The following GRAMD1C variants were observed in gnomAD, a reference collection of about 807,000 sequenced individuals.
GRAMD1C encodes GRAM domain containing 1C.
Under a neutral mutation model 97.8 loss-of-function variants are expected in GRAMD1C, and 89 were observed. The ratio of observed to expected loss-of-function variants is 0.91; its 90% CI spans 0.77 to 1.09. The LOEUF is 1.09. GRAMD1C is among the 50% of genes least tolerant of loss of function. GRAMD1C has a pLI of 0.00. For missense variants in GRAMD1C, 740 were observed against 766.4 expected, an observed-to-expected ratio of 0.97 and a Z score of 0.41; for synonymous variants, 256 against 267.0, an observed-to-expected ratio of 0.96 and a Z score of 0.40.
chr3:113,882,935 T>A, intron 6 of GRAMD1C, 103 bp downstream of exon 6: 2 of 550,514 alleles, frequency 3.6e-6, no homozygotes, highest in Non-Finnish European at 3.3e-6. Flanking sequence ...TTTGACTAGA[T>A]AATTGAAATT....
chr3:113,875,199 A>G (rs1934978851), intron 3 of GRAMD1C, among the ~76,000 whole-genome samples: 1 of 151,848 alleles, frequency 6.6e-6, no homozygotes, highest in South Asian at 2.1e-4. Context: ...ATACCTGCCT[A>G]TGCTCTCATA....
chr3:113,895,252 G>A (rs1935892670), intron 6 of GRAMD1C, among the ~76,000 whole-genome samples: 1 of 152,154 alleles, frequency 6.6e-6, no homozygotes. Flanking sequence ...GTATTCAGGT[G>A]TTCTGGGCGA....
At chr3:113,913,347 A>G (rs1936679489) in intron 9 of GRAMD1C, among the ~76,000 whole-genome samples, 1 of 151,312 alleles carries the variant, frequency 6.6e-6, no homozygotes, top group African/African-American at 2.4e-5. Context: ...CAATGTGAGG[A>G]AAGCCCATCT....
At chr3:113,857,793 T>C (rs1446948447) in intron 2 of GRAMD1C, among the ~76,000 whole-genome samples, 1 of 152,202 alleles carries the variant, frequency 6.6e-6, no homozygotes. Context: ...ATATGGTGGG[T>C]TACATTGATT....
At chr3:113,856,547 T>TATG (rs1559780488) in intron 2 of GRAMD1C, among the ~76,000 whole-genome samples, 93 of 99,824 alleles carry the variant, frequency 9.3e-4, no homozygotes, top group East Asian at 3.4e-3. Flanking sequence ...ATGTATGTAT[T>TATG]TATTTATTTA....
intron 1 of GRAMD1C, among the ~76,000 whole-genome samples, chr3:113,832,237 C>T (rs754196424): frequency 6.6e-6 from 1 of 151,834 alleles, no homozygotes; most frequent in Non-Finnish European, 1.5e-5. Flanking sequence ...CATGTTGGCC[C>T]GGTTGGTCTT....
At chr3:113,852,011 G>A (rs1933930816) in intron 2 of GRAMD1C, among the ~76,000 whole-genome samples, 4 of 152,212 alleles carry the variant, frequency 2.6e-5, no homozygotes, top group Admixed American at 2.0e-4. Flanking sequence ...TGGGATGAGA[G>A]GTGCGTACCA....
chr3:113,936,440 C>T lies in GRAMD1C; in HGVS notation c.1631C>T (p.Thr544Ile). 1.9e-6 allele frequency: 3 copies of T among 1,590,286 alleles called. No homozygotes were observed. Among genetic ancestry groups the T allele is most frequent in the Non-Finnish European group, 2.6e-6 (3 of 1,165,502 alleles). The change falls in exon 14 of 18, where the codon ACA (threonine) becomes ATA (isoleucine). Residue 544 changes from threonine to isoleucine, a missense_variant and splice_region_variant. By Grantham distance (89) the Thr-to-Ile change is moderately conservative. Transcript: ENST00000358160. ...GGCTTAGGTGCCAAAGGGGATATTACAGGTAGTTGTCACCTGGTAAACAGA... is the reference window on the plus strand; with the variant it reads ...GGCTTAGGTGCCAAAGGGGATATTATAGGTAGTTGTCACCTGGTAAACAGA... ...DVGLGAKGDI[T>I]GKKKEMENYN...
chr3:113,879,799 C>T (rs1345993793), intron 5 of GRAMD1C, among the ~76,000 whole-genome samples: 1 of 150,002 alleles, frequency 6.7e-6, no homozygotes, highest in South Asian at 2.1e-4. Context: ...GTTCAAGCAA[C>T]TCTCCTGCCT....
chr3:113,915,288 CTGAG>C (rs1309730077), intron 9 of GRAMD1C, among the ~76,000 whole-genome samples: 2 of 152,144 alleles, frequency 1.3e-5, no homozygotes, highest in African/African-American at 4.8e-5. Context: ...TTAATATTTA[CTGAG>C]TGAGCATTCA....
intron 1 of GRAMD1C, among the ~76,000 whole-genome samples, chr3:113,828,791 G>T (rs374373289): frequency 6.6e-6 from 1 of 151,966 alleles, no homozygotes; most frequent in Non-Finnish European, 1.5e-5. Context: ...TTAGTGCCTT[G>T]TCCTCTGCCC....
intron 10 of GRAMD1C, among the ~76,000 whole-genome samples, chr3:113,916,869 C>G (rs1418825081): frequency 6.6e-6 from 1 of 152,096 alleles, no homozygotes; most frequent in East Asian, 1.9e-4. Context: ...TATTTTGGGG[C>G]TGGGTATGGT....
rs531763397 is a variant in GRAMD1C, at chr3:113,887,085, G to GTTTTTTT, written c.540+4257_540+4263dup. Among the ~76,000 whole-genome samples, 92 of 71,422 alleles carry GTTTTTTT rather than the reference G, an allele frequency of 1.3e-3. 9 individuals are homozygous for GTTTTTTT. Among genetic ancestry groups the GTTTTTTT allele is most frequent in the East Asian group, 2.3e-3 (4 of 1,722 alleles). 46.9% of individuals were successfully genotyped at this position (71,422 alleles called of 152,430 possible). A position where few individuals can be genotyped will look rare whatever the true frequency, so the allele number is the denominator to read the frequency against. On this transcript the variant is annotated intron_variant, in intron 6 of 17. Transcript: ENST00000358160. ...ATGAGCCACTGCGCCTGGCCTTTTT[G>GTTTTTTT]TTTTTTTTTTGTTTTTTTTTTTTTT...
At chr3:113,885,273 G>A in intron 6 of GRAMD1C, 1 of 1,380,864 alleles carries the variant, frequency 7.2e-7, no homozygotes, top group Non-Finnish European at 1.0e-6. Flanking sequence ...GGGCCTCCGG[G>A]GCCGGCGGTG....
At chr3:113,833,667 G>A (rs948051979) in intron 1 of GRAMD1C, among the ~76,000 whole-genome samples, 2 of 152,158 alleles carry the variant, frequency 1.3e-5, no homozygotes, top group African/African-American at 4.8e-5. Flanking sequence ...AGGAATGTGG[G>A]CTATTGTAGA....
Position 113,876,219 on chromosome 3 carries a change from C to T in GRAMD1C, c.418C>T (p.Leu140Phe), listed in dbSNP as rs199735566. The change falls in exon 5 of 18, where the codon CTC (leucine) becomes TTC (phenylalanine). Residue 140 changes from leucine (L) to phenylalanine (F), a missense_variant. Leu to Phe is a conservative substitution (Grantham distance 22). Transcript: ENST00000358160. The stretch of plus-strand genomic sequence containing the variant: ...CATGACCAAGGAAAAAACTGCTCGA[C>T]TCATCCCAAACGCTATCCAGATAGT... The part of the protein sequence containing the change: ...TFMTKEKTAR[L>F]IPNAIQIVTE... 106 of 1,601,780 alleles carry T rather than the reference C, an allele frequency of 6.6e-5. No homozygotes were observed. The African/African-American group carries it at 7.0e-4, about 11-fold the overall frequency.
chr3:113,871,209 T>A (rs1473328190), intron 3 of GRAMD1C, among the ~76,000 whole-genome samples: 7 of 152,184 alleles, frequency 4.6e-5, no homozygotes, highest in Non-Finnish European at 1.5e-5. Flanking sequence ...TAAATCATTA[T>A]TTGTGTAATT....
intron 1 of GRAMD1C, among the ~76,000 whole-genome samples, chr3:113,830,791 A>G (rs1709547428): frequency 6.6e-6 from 1 of 152,176 alleles, no homozygotes; most frequent in Non-Finnish European, 1.5e-5. Context: ...ACCTAACCAT[A>G]GTACAATTAT....
In GRAMD1C at chr3:113,894,528, C is replaced by G. The variant is rs143201783; in HGVS notation, c.541-6503C>G. ...GCCTGACCTCAGGTGATCTGCCTGC[C>G]TTGGCCCCCCAAAGTGCTGGGATTA... is the stretch of plus-strand genomic sequence containing the variant. On this transcript the variant is annotated intron_variant, in intron 6 of 17. Transcript: ENST00000358160. Among the ~76,000 whole-genome samples, 724 of 152,272 alleles carry G rather than the reference C, an allele frequency of 4.8e-3. 4 individuals are homozygous for G. The highest frequency in any genetic ancestry group is 0.017 in the African/African-American group (694 of 41,544).
Sources: gnomAD v4.1 joint callset for allele counts (sites outside exome capture counted in the v4.1 genomes callset) on GRCh38, gnomAD v4.1.1 for gene constraint, MANE v1.5 for transcripts, NCBI Gene and HGNC (gene_info 2026-07-23, HGNC 2026-07-21) for gene names.